Variants in FAR2 observed in about 807,000 individuals in gnomAD.
The protein encoded by FAR2 is fatty acyl-CoA reductase 2, also known as epididymis secretory protein Li 81.
A neutral mutation model predicts 56.0 loss-of-function variants in FAR2; 19 were observed. That is an observed-to-expected ratio of 0.34 (90% confidence interval 0.24 to 0.50). FAR2 has a LOEUF of 0.50. FAR2 is among the 20% of genes least tolerant of loss of function. FAR2 has a pLI of 0.98. For synonymous variants in FAR2, 219 were observed against 218.8 expected (o/e 1.00, Z -0.01); for missense variants, 508 against 642.2 (o/e 0.79, Z 2.26).
In FAR2 at chr12:29,333,977, C is replaced by A; in HGVS notation, c.*183C>A. 1 of 530,140 alleles carries A rather than the reference C, an allele frequency of 1.9e-6. No homozygotes were observed. Among genetic ancestry groups the A allele is most frequent in the Non-Finnish European group, 3.2e-6 (1 of 314,858 alleles). 32.8% of individuals were successfully genotyped at this position (530,140 alleles called of 1,614,324 possible). ...TCAGTGAGAGAAGGAAAGTTGTAAACTAGCCCATAGTCACCTATATTTTAG... is the reference window on the plus strand; with the variant it reads ...TCAGTGAGAGAAGGAAAGTTGTAAAATAGCCCATAGTCACCTATATTTTAG... On this transcript the variant is annotated 3_prime_UTR_variant, in exon 12 of 12. Transcript: ENST00000536681.
At chr12:29,166,516 C>T (rs1449665911) in intron 1 of FAR2, among the ~76,000 whole-genome samples, 2 of 152,162 alleles carry the variant, frequency 1.3e-5, no homozygotes, top group African/African-American at 4.8e-5. Context: ...GTTGCTGTTG[C>T]CCGTCACCTC....
At chr12:29,164,486 G>A (rs73273155) in intron 1 of FAR2, among the ~76,000 whole-genome samples, 2,009 of 152,250 alleles carry the variant, frequency 0.013, 44 homozygotes, top group African/African-American at 0.041. Flanking sequence ...GGTACCAGCA[G>A]GCCTAGTTTC....
chr12:29,313,315 A>G (rs1463398134), intron 8 of FAR2, among the ~76,000 whole-genome samples: 2 of 152,154 alleles, frequency 1.3e-5, no homozygotes, highest in Non-Finnish European at 2.9e-5. Flanking sequence ...TAATAATGCC[A>G]CATATGTTTT....
chr12:29,310,134 C>A (rs1270717184), intron 6 of FAR2, among the ~76,000 whole-genome samples: 2 of 152,252 alleles, frequency 1.3e-5, no homozygotes, highest in South Asian at 2.1e-4. Flanking sequence ...CTTTCTTCTA[C>A]AAAAGTTCAG....
intron 2 of FAR2, chr12:29,293,063 T>C: frequency 3.3e-6 from 1 of 303,170 alleles, no homozygotes; most frequent in East Asian, 5.8e-5. Context: ...GACAGGTTTT[T>C]ACCATGTTGC....
rs1948611416 is a variant in FAR2 at position 29,271,127 on chromosome 12, G to A, written c.189+489G>A. 3.9e-5 allele frequency among the ~76,000 whole-genome samples: 6 copies of A among 152,166 alleles called. No individual in the cohort carries two copies. The South Asian group carries it at 1.2e-3, about 32-fold the overall frequency. ...TAGCTGTTATATATTTTATTTATGG[G>A]AACTTTTGATATTTCTATTATCCAA... On this transcript the variant is annotated intron_variant, in intron 2 of 11. Coordinates refer to ENST00000536681, the MANE Select transcript of FAR2 (RefSeq NM_001271783.2).
chr12:29,179,484 T>C (rs1247090148), intron 1 of FAR2, among the ~76,000 whole-genome samples: 2 of 152,174 alleles, frequency 1.3e-5, no homozygotes, highest in African/African-American at 4.8e-5. Flanking sequence ...AAGCCAGGCA[T>C]GAGCCCCATT....
intron 3 of FAR2, 26 bp from the exon 4 acceptor site, chr12:29,296,995 A>G (rs776587357): frequency 7.0e-6 from 11 of 1,563,442 alleles, no homozygotes; most frequent in Non-Finnish European, 9.5e-6. Context: ...ACTTCATTGT[A>G]TTTCCTTCTG....
Position 29,333,901 on chromosome 12 carries a change from A to G in FAR2, c.*107A>G, listed in dbSNP as rs1949765805. On this transcript the variant is annotated 3_prime_UTR_variant, in exon 12 of 12. Transcript: ENST00000536681. ...AACAAGGAATATGCCCAAACTGTCA[A>G]ATGTCACCTGTTATGTATTCGTCCC... is the stretch of plus-strand genomic sequence containing the variant. 1.9e-6 allele frequency: 2 copies of G among 1,033,934 alleles called. No individual in the cohort carries two copies. The highest frequency in any genetic ancestry group is 2.8e-6 in the Non-Finnish European group (2 of 701,906). 64.0% of individuals were successfully genotyped at this position (1,033,934 alleles called of 1,614,324 possible).
In FAR2 at chr12:29,311,762, A is replaced by G. The variant is rs1398032908; in HGVS notation, c.888-121A>G. ...AAAGAATGAACGATGGAAGCCTTTC[A>G]TAGGTTGCCTTAATCAGATGAATTA... On this transcript the variant is annotated intron_variant, in intron 7 of 11. Coordinates refer to ENST00000536681, the MANE Select transcript of FAR2 (RefSeq NM_001271783.2). 4.6e-6 allele frequency: 3 copies of G among 655,256 alleles called. No homozygotes were observed. In the African/African-American group the frequency reaches 5.5e-5, roughly 12 times the overall value. The allele number at this position is 655,256 out of a possible 1,614,324, so 40.6% of individuals were successfully genotyped here. A position where few individuals can be genotyped will look rare whatever the true frequency, so the allele number is the denominator to read the frequency against.
At chr12:29,220,444 G>A (rs1591862419) in intron 1 of FAR2, among the ~76,000 whole-genome samples, 1 of 152,146 alleles carries the variant, frequency 6.6e-6, no homozygotes, top group South Asian at 2.1e-4. Context: ...TAAATGACTT[G>A]CTACGTTTCT....
intron 1 of FAR2, among the ~76,000 whole-genome samples, chr12:29,233,682 G>C (rs1175531423): frequency 1.3e-5 from 2 of 152,138 alleles, no homozygotes; most frequent in African/African-American, 4.8e-5. Flanking sequence ...ACTGTATCAA[G>C]AGCCTATTCT....
chr12:29,315,222 A>C (rs1190637530), intron 8 of FAR2, among the ~76,000 whole-genome samples: 1 of 152,196 alleles, frequency 6.6e-6, no homozygotes, highest in Non-Finnish European at 1.5e-5. Context: ...TCAGAGGGAC[A>C]TGTGGAGGAG....
chr12:29,165,811 T>C (rs1452264483), intron 1 of FAR2, among the ~76,000 whole-genome samples: 2 of 152,120 alleles, frequency 1.3e-5, no homozygotes, highest in East Asian at 3.9e-4. Context: ...ATTCAATACA[T>C]TTAAGTTCAC....
chr12:29,222,117 A>G (rs10083003), intron 1 of FAR2, among the ~76,000 whole-genome samples: 28,181 of 151,866 alleles, frequency 0.19, 3,548 homozygotes, highest in African/African-American at 0.35. Context: ...CCAAAGTGCT[A>G]GGATTACAGG....
At chr12:29,274,393 C>A (rs1426344181) in intron 2 of FAR2, among the ~76,000 whole-genome samples, 5 of 151,972 alleles carry the variant, frequency 3.3e-5, no homozygotes, top group Admixed American at 1.3e-4. Context: ...TTATGGCTGC[C>A]TAGTATTCCA....
chr12:29,196,616 A>C (rs928952809), intron 1 of FAR2, among the ~76,000 whole-genome samples: 9 of 152,224 alleles, frequency 5.9e-5, no homozygotes, highest in African/African-American at 2.2e-4. Flanking sequence ...AAGCAACTCA[A>C]GGTGGATTAA....
At chr12:29,278,696 A>C in intron 2 of FAR2, among the ~76,000 whole-genome samples, 1 of 152,078 alleles carries the variant, frequency 6.6e-6, no homozygotes, top group East Asian at 1.9e-4. Context: ...TCTAAGGTTG[A>C]ATTTAGGAGG....
chr12:29,179,220 G>A (rs1949969087), intron 1 of FAR2, among the ~76,000 whole-genome samples: 1 of 152,136 alleles, frequency 6.6e-6, no homozygotes, highest in Non-Finnish European at 1.5e-5. Flanking sequence ...ATTTGAGGGG[G>A]ACAAAATTCA....
Sources: allele counts gnomAD v4.1 joint callset (sites outside exome capture counted in the v4.1 genomes callset), GRCh38; gene constraint gnomAD v4.1.1; transcripts MANE v1.5; gene names NCBI Gene and HGNC (gene_info 2026-07-23, HGNC 2026-07-21).